The following WDR72 variants were observed in gnomAD, a reference collection of about 807,000 sequenced individuals.
WDR72 encodes the protein WD repeat-containing protein 72.
A neutral mutation model predicts 124.2 loss-of-function variants in WDR72; 120 were observed. The observed-to-expected ratio is 0.97, with a 90% CI of 0.83 to 1.12. The LOEUF (loss-of-function observed/expected upper bound fraction) is 1.12. Among genes scored for constraint, WDR72 ranks in the 50% most tolerant of loss-of-function variants. The probability of loss-of-function intolerance (pLI) is 0.00; values close to 1 mark genes in which losing one functional copy is unlikely to be tolerated. For missense variants in WDR72, 1,387 were observed against 1,278.8 expected, an observed-to-expected ratio of 1.08 and a Z score of -1.29; for synonymous variants, 452 against 441.7, an observed-to-expected ratio of 1.02 and a Z score of -0.29.
chr15:53,745,805 AATGAAGGCCCAGGGAAGTTGGTT>A (rs1198045349), intron 1 of WDR72, among the ~76,000 whole-genome samples: 1 of 152,110 alleles, frequency 6.6e-6, no homozygotes, highest in African/African-American at 2.4e-5. Flanking sequence ...CAGATGAGTA[AATGAAGGCCCAGGGAAGTTGGTT>A]ACTTGGCCAA....
chr15:53,749,584 C>T (rs1453269691), intron 1 of WDR72, among the ~76,000 whole-genome samples: 4 of 152,106 alleles, frequency 2.6e-5, no homozygotes, highest in Admixed American at 2.0e-4. Flanking sequence ...AAGAGTTGCA[C>T]TTTTCTCACC....
At chr15:53,584,575 A>T (rs1174467387) in intron 18 of WDR72, among the ~76,000 whole-genome samples, 2 of 152,076 alleles carry the variant, frequency 1.3e-5, no homozygotes, top group African/African-American at 4.8e-5. Flanking sequence ...CTTGGACAAA[A>T]TTTGGACACA....
At chr15:53,762,599 T>C (rs766928584), upstream of WDR72, 1 of 152,296 alleles carries the variant, frequency 6.6e-6, no homozygotes, top group Non-Finnish European at 1.5e-5. Flanking sequence ...CAGGTTCTTA[T>C]ATCAAAGTTA....
chr15:53,726,194 G>A (rs11633407), intron 2 of WDR72, among the ~76,000 whole-genome samples: 22 of 96,244 alleles, frequency 2.3e-4, no homozygotes, highest in Non-Finnish European at 2.3e-4. Context: ...ATATATATAT[G>A]TGTGTGTGTA....
intron 18 of WDR72, among the ~76,000 whole-genome samples, chr15:53,527,080 T>C (rs560684000): frequency 1.3e-5 from 2 of 152,208 alleles, no homozygotes; most frequent in East Asian, 3.9e-4. Flanking sequence ...GTAATTCTTC[T>C]AGATCCTAAA....
At chr15:53,546,382 G>C (rs1310419938) in intron 18 of WDR72, among the ~76,000 whole-genome samples, 1 of 151,428 alleles carries the variant, frequency 6.6e-6, no homozygotes, top group Non-Finnish European at 1.5e-5. Flanking sequence ...GATGAAATTG[G>C]AAATCATCAT....
intron 14 of WDR72, among the ~76,000 whole-genome samples, chr15:53,657,840 C>T (rs761548780): frequency 6.6e-6 from 1 of 152,192 alleles, no homozygotes; most frequent in Middle Eastern, 3.4e-3. Flanking sequence ...ACAATAACGC[C>T]GACCTTGAAT....
rs148456306 is a variant in WDR72, at chr15:53,714,809, C to A, written c.515-299G>T. On this transcript the variant is annotated intron_variant, in intron 5 of 19. Transcript: ENST00000360509. Reference sequence around the variant, plus strand: ...TAAGTGAGGCGCCAACTTCCACTTCCCTTTGCAGTCACTCATTACAGAAAC... The same window carrying A: ...TAAGTGAGGCGCCAACTTCCACTTCACTTTGCAGTCACTCATTACAGAAAC... Among the ~76,000 whole-genome samples the A allele has an allele frequency of 2.0e-5, 3 of 152,300 alleles. No homozygotes were observed. The East Asian group carries it at 5.8e-4, about 29-fold the overall frequency.
chr15:53,518,739 G>T (rs1891613797), intron 19 of WDR72, among the ~76,000 whole-genome samples: 2 of 150,968 alleles, frequency 1.3e-5, no homozygotes, highest in South Asian at 4.2e-4. Context: ...ATTTTTGCTG[G>T]TGATTCATGA....
rs73412145 is a variant in WDR72 at position 53,716,801 on chromosome 15, C to T, written c.261-116G>A. The T allele has an allele frequency of 3.7e-3, 2,727 of 735,518 alleles. 53 individuals are homozygous for T. The African/African-American group carries it at 0.042, about 11-fold the overall frequency. The allele number at this position is 735,518 out of a possible 1,614,324, so 45.6% of individuals were successfully genotyped here. On this transcript the variant is annotated intron_variant, in intron 3 of 19. Coordinates refer to ENST00000360509, the MANE Select transcript of WDR72 (RefSeq NM_182758.4). ...TGATCATTTATGTGGCTTTTTGTTACAGATTTTGGGCAAGAAAATGTTGTG... is the reference window on the plus strand; with the variant it reads ...TGATCATTTATGTGGCTTTTTGTTATAGATTTTGGGCAAGAAAATGTTGTG...
At chr15:53,637,459 G>A (rs2014667267) in intron 14 of WDR72, among the ~76,000 whole-genome samples, 1 of 152,162 alleles carries the variant, frequency 6.6e-6, no homozygotes, top group African/African-American at 2.4e-5. Flanking sequence ...TTTAAAAAGT[G>A]CTTTGAGCAT....
chr15:53,517,684 C>T lies in WDR72; in HGVS notation c.*15G>A, dbSNP rs200637892. 4.3e-6 allele frequency: 7 copies of T among 1,612,450 alleles called. No homozygotes were observed. In the African/African-American group the frequency reaches 6.7e-5, roughly 15 times the overall value. ...TTAATTTGTCCAAATTCAGCTCCTA[C>T]TGATGAGATTCCATTTAAGACACCT... is the stretch of plus-strand genomic sequence containing the variant. On this transcript the variant is annotated 3_prime_UTR_variant, in exon 20 of 20. Transcript: ENST00000360509.
At chr15:53,663,439 C>T (rs1270223330) in intron 14 of WDR72, among the ~76,000 whole-genome samples, 1 of 152,084 alleles carries the variant, frequency 6.6e-6, no homozygotes, top group African/African-American at 2.4e-5. Context: ...TCTGGCATTT[C>T]ATTGCTTCTT....
At chr15:53,695,855 A>C (rs2016986341) in intron 13 of WDR72, among the ~76,000 whole-genome samples, 1 of 152,330 alleles carries the variant, frequency 6.6e-6, no homozygotes, top group East Asian at 1.9e-4. Flanking sequence ...TAAAGTGAGA[A>C]TAGGCTCTTA....
intron 10 of WDR72, among the ~76,000 whole-genome samples, chr15:53,705,594 C>A (rs1313923061): frequency 6.6e-6 from 1 of 152,118 alleles, no homozygotes; most frequent in Non-Finnish European, 1.5e-5. Flanking sequence ...TCCTGAGTAG[C>A]TGGGATTACA....
chr15:53,616,131 A>G lies in WDR72; in HGVS notation c.2075T>C (p.Leu692Pro), dbSNP rs901449727. The G allele has an allele frequency of 2.5e-6, 4 of 1,604,280 alleles. No individual in the cohort carries two copies. The highest frequency in any genetic ancestry group is 3.4e-6 in the Non-Finnish European group (4 of 1,174,462). Residue 692 changes from leucine to proline, a missense_variant, in exon 15 of 20, where the codon CTT becomes CCT. Coordinates refer to ENST00000360509, the MANE Select transcript of WDR72 (RefSeq NM_182758.4). ...LLFDLENLVE[L>P]LLPTPLSDVD... ...ATCACTGAGTGGAGTTGGTAGCAAAAGTTCAACAAGGTTTTCCAGATCAAA... is the reference window on the plus strand; with the variant it reads ...ATCACTGAGTGGAGTTGGTAGCAAAGGTTCAACAAGGTTTTCCAGATCAAA...
intron 13 of WDR72, among the ~76,000 whole-genome samples, chr15:53,678,119 A>C (rs1308105433): frequency 6.6e-6 from 1 of 152,216 alleles, no homozygotes; most frequent in African/African-American, 2.4e-5. Flanking sequence ...CAATACAGAG[A>C]AGAGAACTGA....
In WDR72 at chr15:53,517,565, C is replaced by CTAAAG. The variant is rs1891531480; in HGVS notation, c.*129_*133dup. On this transcript the variant is annotated 3_prime_UTR_variant, in exon 20 of 20. Transcript: ENST00000360509. ...TTAAAATCACTTTAATACATGTTGGCTAAAGTATTAGCAAATCCACTACAG... is the reference window on the plus strand; with the variant it reads ...TTAAAATCACTTTAATACATGTTGGCTAAAGTAAAGTATTAGCAAATCCACTACAG... 1 of 885,826 alleles carries CTAAAG rather than the reference C, an allele frequency of 1.1e-6. No homozygotes were observed. Among genetic ancestry groups the CTAAAG allele is most frequent in the South Asian group, 1.4e-5 (1 of 73,292 alleles). 54.9% of individuals were successfully genotyped at this position (885,826 alleles called of 1,614,324 possible).
chr15:53,666,090 G>A (rs556713033), intron 13 of WDR72, among the ~76,000 whole-genome samples: 1 of 152,132 alleles, frequency 6.6e-6, no homozygotes, highest in Non-Finnish European at 1.5e-5. Context: ...CATAACTATG[G>A]AATATTTTAG....
Sources: gnomAD v4.1 joint callset for allele counts (sites outside exome capture counted in the v4.1 genomes callset) on GRCh38, gnomAD v4.1.1 for gene constraint, MANE v1.5 for transcripts, NCBI Gene and HGNC (gene_info 2026-07-23, HGNC 2026-07-21) for gene names.